Variants in DHRS7B observed in about 807,000 individuals in gnomAD.
The protein encoded by DHRS7B is peroxisomal reductase activating PPAR-gamma.
In DHRS7B, 24 loss-of-function variants were observed where a neutral mutation model predicts 26.4. The ratio of observed to expected loss-of-function variants is 0.91; its 90% CI spans 0.66 to 1.28. DHRS7B has a LOEUF of 1.28. Among genes scored for constraint, DHRS7B ranks in the 50% most tolerant of loss-of-function variants. The pLI, the probability that DHRS7B is intolerant of heterozygous loss-of-function variation, is 0.00. For missense variants in DHRS7B, 368 were observed against 419.4 expected, an observed-to-expected ratio of 0.88 and a Z score of 1.07; for synonymous variants, 142 against 166.4, an observed-to-expected ratio of 0.85 and a Z score of 1.13.
At chr17:21,147,533 G>C (rs1312246486) in intron 1 of DHRS7B, among the ~76,000 whole-genome samples, 2 of 152,162 alleles carry the variant, frequency 1.3e-5, no homozygotes, top group South Asian at 4.1e-4. Context: ...ATGGAGAAAT[G>C]AAAAAGCTCC....
At position 21,184,353 on chromosome 17, in the gene DHRS7B, C is replaced by T. The variant is rs1974581208; in HGVS notation, c.527-18C>T. The T allele has an allele frequency of 3.1e-6, 5 of 1,606,346 alleles. No homozygotes were observed. Among genetic ancestry groups the T allele is most frequent in the Middle Eastern group, 1.7e-4 (1 of 6,006 alleles). On this transcript the variant is annotated intron_variant, in intron 4 of 6. Transcript: ENST00000395511. ...CTGGAAGTAGGGCGCTTGCCTAAGC[C>T]TCTGCATCTGTCCTCAGCACTCCTG... is the stretch of plus-strand genomic sequence containing the variant.
At chr17:21,138,597 A>T (rs1287739672) in intron 1 of DHRS7B, among the ~76,000 whole-genome samples, 1 of 152,066 alleles carries the variant, frequency 6.6e-6, no homozygotes, top group Non-Finnish European at 1.5e-5. Context: ...TTCTCGTAAA[A>T]TTATTTTTCT....
intron 1 of DHRS7B, chr17:21,127,481 G>C (rs1973126240): frequency 1.3e-5 from 2 of 157,110 alleles, no homozygotes; most frequent in Admixed American, 6.5e-5. Flanking sequence ...CAGGAGGAGG[G>C]TGCTGACTCG....
chr17:21,146,976 G>C (rs991140321), intron 1 of DHRS7B, among the ~76,000 whole-genome samples: 2 of 152,062 alleles, frequency 1.3e-5, no homozygotes, highest in East Asian at 3.8e-4. Context: ...GTCTTAAAAG[G>C]CATCTCTTCT....
chr17:21,175,382 C>T (rs1974353080), intron 2 of DHRS7B, among the ~76,000 whole-genome samples: 1 of 152,248 alleles, frequency 6.6e-6, no homozygotes, highest in African/African-American at 2.4e-5. Context: ...AGATGGCAGC[C>T]CTGATCCTCT....
chr17:21,159,952 A>G (rs768833973), intron 1 of DHRS7B, among the ~76,000 whole-genome samples: 2 of 150,930 alleles, frequency 1.3e-5, no homozygotes, highest in African/African-American at 2.4e-5. Flanking sequence ...CAGGCATGGT[A>G]GTTCATGCCT....
At chr17:21,144,199 A>G (rs1292972023) in intron 1 of DHRS7B, among the ~76,000 whole-genome samples, 8 of 152,184 alleles carry the variant, frequency 5.3e-5, no homozygotes, top group Non-Finnish European at 1.0e-4. Context: ...TCCATTCAAC[A>G]TGTAATGCTT....
In DHRS7B at chr17:21,127,040, G is replaced by C. The variant is rs571131112; in HGVS notation, c.20+49G>C. The C allele has an allele frequency of 4.8e-6, 7 of 1,470,572 alleles. No homozygotes were observed. In the South Asian group the frequency reaches 8.0e-5, roughly 17 times the overall value. 91.1% of individuals were successfully genotyped at this position (1,470,572 alleles called of 1,614,324 possible). On this transcript the variant is annotated intron_variant, in intron 1 of 6. Transcript: ENST00000395511. The stretch of plus-strand genomic sequence containing the variant: ...CTCCGAGATGAGGCGATAGGGTCTG[G>C]CCTTGAGCTGAGGCGACGCCCCGGC...
intron 1 of DHRS7B, among the ~76,000 whole-genome samples, chr17:21,131,516 TG>T (rs528933238): frequency 2.0e-5 from 3 of 152,180 alleles, no homozygotes; most frequent in Non-Finnish European, 4.4e-5. Context: ...TTCCATTTGG[TG>T]GGTTTTGGCC....
chr17:21,163,227 AAC>A (rs1260696339), intron 1 of DHRS7B, among the ~76,000 whole-genome samples: 1 of 152,024 alleles, frequency 6.6e-6, no homozygotes, highest in African/African-American at 2.4e-5. Context: ...AAAAACAAAA[AAC>A]ACAGGTATAA....
chr17:21,167,526 G>A (rs1369299617), intron 1 of DHRS7B, among the ~76,000 whole-genome samples: 1 of 152,184 alleles, frequency 6.6e-6, no homozygotes, highest in Non-Finnish European at 1.5e-5. Flanking sequence ...GACTATGACT[G>A]CACACATTCC....
intron 1 of DHRS7B, among the ~76,000 whole-genome samples, chr17:21,134,163 T>C (rs1973294439): frequency 6.6e-6 from 1 of 152,272 alleles, no homozygotes; most frequent in East Asian, 1.9e-4. Context: ...ACAGGTTTAC[T>C]ATAGTTTTGA....
intron 3 of DHRS7B, among the ~76,000 whole-genome samples, chr17:21,182,579 G>A (rs1054525538): frequency 6.6e-6 from 1 of 151,104 alleles, no homozygotes; most frequent in Non-Finnish European, 1.5e-5. Context: ...AAAGAGACAG[G>A]GTCTCGCCAT....
intron 1 of DHRS7B, among the ~76,000 whole-genome samples, chr17:21,168,106 A>C (rs912525042): frequency 6.6e-6 from 1 of 152,220 alleles, no homozygotes; most frequent in African/African-American, 2.4e-5. Context: ...ACAAGCTAGG[A>C]AAGTGTTGGC....
At chr17:21,141,828 C>T (rs753212355) in intron 1 of DHRS7B, among the ~76,000 whole-genome samples, 3 of 151,918 alleles carry the variant, frequency 2.0e-5, no homozygotes, top group Non-Finnish European at 4.4e-5. Context: ...GGAGTGCTCT[C>T]AGATCCCAGC....
chr17:21,131,018 A>G (rs1278590037), intron 1 of DHRS7B, among the ~76,000 whole-genome samples: 1 of 152,228 alleles, frequency 6.6e-6, no homozygotes, highest in African/African-American at 2.4e-5. Flanking sequence ...TCCCAGTAAC[A>G]TGAGGCTTGG....
chr17:21,168,218 A>C (rs951725412), intron 1 of DHRS7B, among the ~76,000 whole-genome samples: 11 of 152,226 alleles, frequency 7.2e-5, no homozygotes, highest in African/African-American at 2.7e-4. Flanking sequence ...AAAACTCTGG[A>C]AAGAGTCGGG....
At chr17:21,139,465 G>A (rs1973440154) in intron 1 of DHRS7B, among the ~76,000 whole-genome samples, 1 of 152,076 alleles carries the variant, frequency 6.6e-6, no homozygotes, top group African/African-American at 2.4e-5. Flanking sequence ...CACAAGGTCA[G>A]GAGTTTGAGA....
intron 4 of DHRS7B, 52 bp downstream of exon 4, chr17:21,183,862 T>C (rs761397286): frequency 1.3e-6 from 2 of 1,504,320 alleles, no homozygotes; most frequent in Non-Finnish European, 1.8e-6. Context: ...GCATTCTTTT[T>C]ACTTCACTTG....
Sources: allele counts gnomAD v4.1 joint callset (sites outside exome capture counted in the v4.1 genomes callset), GRCh38; gene constraint gnomAD v4.1.1; transcripts MANE v1.5; gene names NCBI Gene and HGNC (gene_info 2026-07-23, HGNC 2026-07-21).